Variants in TNFAIP1 observed in about 807,000 individuals in gnomAD.
TNFAIP1 encodes BTB/POZ domain-containing adapter for CUL3-mediated RhoA degradation protein 2.
A neutral mutation model predicts 32.6 loss-of-function variants in TNFAIP1; 20 were observed. That is an observed-to-expected ratio of 0.61 (90% confidence interval 0.43 to 0.89). The LOEUF (loss-of-function observed/expected upper bound fraction) is 0.89, where lower values mean the gene tolerates loss of function less well. Ranked by LOEUF, TNFAIP1 falls within the 40% of genes least tolerant of loss-of-function variation. TNFAIP1 has a pLI of 0.00. For missense variants in TNFAIP1, 319 were observed against 425.1 expected, an observed-to-expected ratio of 0.75 and a Z score of 2.20; for synonymous variants, 166 against 166.8, an observed-to-expected ratio of 1.00 and a Z score of 0.04.
In TNFAIP1 at chr17:28,345,228, C is replaced by T. The variant is rs1186589872; in HGVS notation, c.*628C>T. The T allele has an allele frequency of 6.5e-6, 1 of 153,438 alleles. No individual in the cohort carries two copies. Among genetic ancestry groups the T allele is most frequent in the Non-Finnish European group, 1.5e-5 (1 of 68,642 alleles). The allele number at this position is 153,438 out of a possible 1,614,324, so 9.5% of individuals were successfully genotyped here. ...TCAGGAGGTTGATAATCTCCTTGAC[C>T]CATGTCTTTCTACCCTAATCCCCAC... On this transcript the variant is annotated 3_prime_UTR_variant, in exon 7 of 7. Transcript: ENST00000226225.
chr17:28,336,290 A>T (rs1387511719), intron 1 of TNFAIP1, among the ~76,000 whole-genome samples: 1 of 152,064 alleles, frequency 6.6e-6, no homozygotes, highest in Non-Finnish European at 1.5e-5. Flanking sequence ...ATCCGCCCTT[A>T]GCCCCGGGCA....
chr17:28,339,469 C>T lies in TNFAIP1; in HGVS notation c.-53C>T, dbSNP rs1907283663. On this transcript the variant is annotated 5_prime_UTR_variant, in exon 2 of 7. Coordinates refer to ENST00000226225, the MANE Select transcript of TNFAIP1 (RefSeq NM_021137.5). Reference sequence around the variant, plus strand: ...TCACTCGTGACCCTTTCCACCACGGCGGAGCCTTCCAAGCCTACCTCCTGC... The same window carrying T: ...TCACTCGTGACCCTTTCCACCACGGTGGAGCCTTCCAAGCCTACCTCCTGC... The T allele has an allele frequency of 4.6e-6, 7 of 1,516,340 alleles. No individual in the cohort carries two copies. In the Admixed American group the frequency reaches 8.3e-5, roughly 18 times the overall value. The allele number at this position is 1,516,340 out of a possible 1,614,324, so 93.9% of individuals were successfully genotyped here. A position where few individuals can be genotyped will look rare whatever the true frequency, so the allele number is the denominator to read the frequency against.
At position 28,340,749 on chromosome 17, in the gene TNFAIP1, GTTTTTGT is replaced by G; in HGVS notation, c.375+278_375+284del. On this transcript the variant is annotated intron_variant, in intron 3 of 6. Coordinates refer to ENST00000226225, the MANE Select transcript of TNFAIP1 (RefSeq NM_021137.5). The surrounding 1 kb of genome is among the most constrained non-coding windows in gnomAD (Gnocchi z 4.1). The stretch of plus-strand genomic sequence containing the variant: ...TGTTTTTGCTTTTGTTTCTGTTTTT[GTTTTTGT>G]TTTTTGAGACAGGGTTTCACTCCTG... Among the ~76,000 whole-genome samples the G allele has an allele frequency of 6.6e-6, 1 of 152,010 alleles. No individual in the cohort carries two copies. Among genetic ancestry groups the G allele is most frequent in the East Asian group, 1.9e-4 (1 of 5,180 alleles).
intron 1 of TNFAIP1, 150 bp from the exon 2 acceptor site, chr17:28,339,258 A>G (rs532389331): frequency 3.3e-4 from 104 of 315,310 alleles, no homozygotes; most frequent in African/African-American, 2.1e-3. Context: ...AAAAAAAAAA[A>G]AGAAAGCAAA....
At position 28,340,541 on chromosome 17, in the gene TNFAIP1, A is replaced by C. The variant is rs1907329169; in HGVS notation, c.375+63A>C. 7.6e-6 allele frequency: 12 copies of C among 1,575,116 alleles called. No homozygotes were observed. The highest frequency in any genetic ancestry group is 1.0e-5 in the Non-Finnish European group (12 of 1,152,322). ...TCAGGAGTTGCCCCCTTCTTGTGGG[A>C]TGGAGGACTCTGGTTCCTGGCAGGT... On this transcript the variant is annotated intron_variant, in intron 3 of 6. Coordinates refer to ENST00000226225, the MANE Select transcript of TNFAIP1 (RefSeq NM_021137.5). This position sits in a 1 kb window ranked among gnomAD's most constrained non-coding sequence, Gnocchi z 4.1.
Position 28,340,516 on chromosome 17 carries a change from T to C in TNFAIP1, c.375+38T>C. On this transcript the variant is annotated intron_variant, in intron 3 of 6. Transcript: ENST00000226225. The surrounding 1 kb of genome is among the most constrained non-coding windows in gnomAD (Gnocchi z 4.1). ...GGCGGAGCAGGGCGGGCAGATGAGG[T>C]CAGGAGTTGCCCCCTTCTTGTGGGA... is the stretch of plus-strand genomic sequence containing the variant. 6.2e-7 allele frequency: 1 copy of C among 1,606,294 alleles called. No homozygotes were observed.
Position 28,340,311 on chromosome 17 carries a change from T to G in TNFAIP1, c.208T>G (p.Trp70Gly), listed in dbSNP as rs948909369. 15 of 1,613,648 alleles carry G rather than the reference T, an allele frequency of 9.3e-6. No individual in the cohort carries two copies. Among genetic ancestry groups the G allele is most frequent in the African/African-American group, 1.3e-5 (1 of 74,900 alleles). ...RMEVLTDKEG[W>G]ILIDRCGKHF... ...TGTAGGGCCTTCTGCACCCCTAGGC[T>G]GGATCCTCATAGACCGTTGTGGAAA... The change falls in exon 3 of 7, where the codon TGG (tryptophan) becomes GGG (glycine). Residue 70 changes from tryptophan (W) to glycine (G), a missense_variant and splice_region_variant. Coordinates refer to ENST00000226225, the MANE Select transcript of TNFAIP1 (RefSeq NM_021137.5). This position sits in a 1 kb window ranked among gnomAD's most constrained non-coding sequence, Gnocchi z 4.1.
Position 28,341,535 on chromosome 17 carries a change from G to T in TNFAIP1, c.518+79G>T. 5 of 1,529,052 alleles carry T rather than the reference G, an allele frequency of 3.3e-6. 1 individual carries two copies. The South Asian group carries it at 4.5e-5, about 14-fold the overall frequency. 94.7% of individuals were successfully genotyped at this position (1,529,052 alleles called of 1,614,324 possible). A position where few individuals can be genotyped will look rare whatever the true frequency, so the allele number is the denominator to read the frequency against. ...TGCCTGTACTCCCAGCACGGTCGGC[G>T]TGGGTCTGGGCCTGGGTCTTGGAAC... On this transcript the variant is annotated intron_variant, in intron 5 of 6. Coordinates refer to ENST00000226225, the MANE Select transcript of TNFAIP1 (RefSeq NM_021137.5).
Position 28,340,181 on chromosome 17 carries a change from C to T in TNFAIP1, c.206-128C>T, listed in dbSNP as rs1479186950. On this transcript the variant is annotated intron_variant, in intron 2 of 6. Transcript: ENST00000226225. This position sits in a 1 kb window ranked among gnomAD's most constrained non-coding sequence, Gnocchi z 4.1. ...GAACCTCCATCCCCGCCTCTGTCAC[C>T]CTGCGTAAGGGCTTTGTGCTCGTGG... 3.2e-6 allele frequency: 3 copies of T among 932,414 alleles called. No individual in the cohort carries two copies. The East Asian group carries it at 7.5e-5, about 23-fold the overall frequency. 57.8% of individuals were successfully genotyped at this position (932,414 alleles called of 1,614,324 possible). A position where few individuals can be genotyped will look rare whatever the true frequency, so the allele number is the denominator to read the frequency against.
In TNFAIP1 at chr17:28,340,225, T is replaced by G; in HGVS notation, c.206-84T>G. On this transcript the variant is annotated intron_variant, in intron 2 of 6. Transcript: ENST00000226225. This position sits in a 1 kb window ranked among gnomAD's most constrained non-coding sequence, Gnocchi z 4.1. Reference sequence around the variant, plus strand: ...CTCGTGGACCCCCTTCCCTGCCACCTGCCGCCAGCTTGTCAGGTGGCCTTT... The same window carrying G: ...CTCGTGGACCCCCTTCCCTGCCACCGGCCGCCAGCTTGTCAGGTGGCCTTT... 6.8e-7 allele frequency: 1 copy of G among 1,467,120 alleles called. No individual in the cohort carries two copies. The highest frequency in any genetic ancestry group is 9.4e-7 in the Non-Finnish European group (1 of 1,064,318). 90.9% of individuals were successfully genotyped at this position (1,467,120 alleles called of 1,614,324 possible). A position where few individuals can be genotyped will look rare whatever the true frequency, so the allele number is the denominator to read the frequency against.
rs978006426 is a variant in TNFAIP1, at chr17:28,344,936, G to T, written c.*336G>T. On this transcript the variant is annotated 3_prime_UTR_variant, in exon 7 of 7. Coordinates refer to ENST00000226225, the MANE Select transcript of TNFAIP1 (RefSeq NM_021137.5). ...TGTGCAGAAGGCTACTGCCCCTTAGGCCTCAGCTGGGGGAAAGGCAGTTCT... is the reference window on the plus strand; with the variant it reads ...TGTGCAGAAGGCTACTGCCCCTTAGTCCTCAGCTGGGGGAAAGGCAGTTCT... The T allele has an allele frequency of 3.0e-6, 1 of 335,482 alleles. No individual in the cohort carries two copies. Among genetic ancestry groups the T allele is most frequent in the East Asian group, 5.2e-5 (1 of 19,196 alleles). The allele number at this position is 335,482 out of a possible 1,614,324, so 20.8% of individuals were successfully genotyped here.
chr17:28,344,365 TG>T lies in TNFAIP1; in HGVS notation c.718del (p.Glu240AsnfsTer112). 6.2e-7 allele frequency: 1 copy of T among 1,612,658 alleles called. No homozygotes were observed. Among genetic ancestry groups the T allele is most frequent in the Non-Finnish European group, 8.5e-7 (1 of 1,179,228 alleles). On this transcript the variant is annotated frameshift_variant and splice_region_variant, in exon 7 of 7. Transcript: ENST00000226225. LOFTEE classifies it high-confidence loss of function. ...CACCTTCTTCCTCCCTAACCCCAGG[TG>T]GAATTCCCAGAGGCCCGAATCTATG... ...VYATEKKQTK[V>X]EFPEARIYEE... is the part of the protein sequence containing the mutation.
At position 28,342,617 on chromosome 17, in the gene TNFAIP1, G is replaced by A. The variant is rs557552911; in HGVS notation, c.714+175G>A. On this transcript the variant is annotated intron_variant, in intron 6 of 6. Coordinates refer to ENST00000226225, the MANE Select transcript of TNFAIP1 (RefSeq NM_021137.5). The surrounding 1 kb of genome is among the most constrained non-coding windows in gnomAD (Gnocchi z 4.0). The stretch of plus-strand genomic sequence containing the variant: ...AGAACAAGGGGTGTGGGGAATGGAC[G>A]GGAACTGCTTTGTTCCTGACAGCGC... 1.5e-5 allele frequency: 9 copies of A among 595,870 alleles called. No individual in the cohort carries two copies. The highest frequency in any genetic ancestry group is 5.6e-5 in the East Asian group (2 of 35,726). The allele number at this position is 595,870 out of a possible 1,614,324, so 36.9% of individuals were successfully genotyped here. A position where few individuals can be genotyped will look rare whatever the true frequency, so the allele number is the denominator to read the frequency against.
intron 3 of TNFAIP1, 22 bp from the exon 4 acceptor site, chr17:28,341,215 T>C (rs1283960487): frequency 1.2e-6 from 2 of 1,613,178 alleles, no homozygotes; most frequent in Non-Finnish European, 1.7e-6. Context: ...CTAAAGAGGG[T>C]TCTCTGTTCT....
At position 28,342,203 on chromosome 17, in the gene TNFAIP1, C is replaced by G; in HGVS notation, c.519-44C>G. ...CACTTGTCTAGCACCCTCCCTTGGA[C>G]TGGAACCTCACTCCCAGCCGCTTGG... is the stretch of plus-strand genomic sequence containing the variant. On this transcript the variant is annotated intron_variant, in intron 5 of 6. Coordinates refer to ENST00000226225, the MANE Select transcript of TNFAIP1 (RefSeq NM_021137.5). This position sits in a 1 kb window ranked among gnomAD's most constrained non-coding sequence, Gnocchi z 4.0. The G allele has an allele frequency of 2.8e-6, 4 of 1,449,676 alleles. No homozygotes were observed. The highest frequency in any genetic ancestry group is 3.6e-6 in the Non-Finnish European group (4 of 1,095,894). 89.8% of individuals were successfully genotyped at this position (1,449,676 alleles called of 1,614,324 possible).
intron 2 of TNFAIP1, 125 bp downstream of exon 2, chr17:28,339,851 T>A: frequency 1.1e-6 from 1 of 923,760 alleles, no homozygotes; most frequent in Non-Finnish European, 1.6e-6. Flanking sequence ...CTGGAGTCCC[T>A]AGTAGAGCTT....
Position 28,340,838 on chromosome 17 carries a change from G to A in TNFAIP1, c.375+360G>A, listed in dbSNP as rs1907336883. Among the ~76,000 whole-genome samples the A allele has an allele frequency of 6.6e-6, 1 of 152,262 alleles. No individual in the cohort carries two copies. Among genetic ancestry groups the A allele is most frequent in the South Asian group, 2.1e-4 (1 of 4,816 alleles). ...CAGCTCACTGCAACTTCTGCCTCCT[G>A]GGTTCAAGTGATTCTCGTGATTTGG... On this transcript the variant is annotated intron_variant, in intron 3 of 6. Transcript: ENST00000226225. This position sits in a 1 kb window ranked among gnomAD's most constrained non-coding sequence, Gnocchi z 4.1.
At position 28,340,601 on chromosome 17, in the gene TNFAIP1, A is replaced by G; in HGVS notation, c.375+123A>G. The G allele has an allele frequency of 8.8e-7, 1 of 1,140,716 alleles. No homozygotes were observed. The highest frequency in any genetic ancestry group is 1.2e-6 in the Non-Finnish European group (1 of 810,648). The allele number at this position is 1,140,716 out of a possible 1,614,324, so 70.7% of individuals were successfully genotyped here. A position where few individuals can be genotyped will look rare whatever the true frequency, so the allele number is the denominator to read the frequency against. On this transcript the variant is annotated intron_variant, in intron 3 of 6. Transcript: ENST00000226225. The surrounding 1 kb of genome is among the most constrained non-coding windows in gnomAD (Gnocchi z 4.1). Reference sequence around the variant, plus strand: ...GGCGTGGTTGATGAGTGCAAACCTAATGAGACAAGTGAGATGCCACCCAGG... The same window carrying G: ...GGCGTGGTTGATGAGTGCAAACCTAGTGAGACAAGTGAGATGCCACCCAGG...
chr17:28,340,237 G>C lies in TNFAIP1; in HGVS notation c.206-72G>C, dbSNP rs1907315748. 1 of 1,533,194 alleles carries C rather than the reference G, an allele frequency of 6.5e-7. No individual in the cohort carries two copies. The highest frequency in any genetic ancestry group is 8.9e-7 in the Non-Finnish European group (1 of 1,118,258). The allele number at this position is 1,533,194 out of a possible 1,614,324, so 95.0% of individuals were successfully genotyped here. A position where few individuals can be genotyped will look rare whatever the true frequency, so the allele number is the denominator to read the frequency against. ...CTTCCCTGCCACCTGCCGCCAGCTTGTCAGGTGGCCTTTGCCTGCCTCGGA... is the reference window on the plus strand; with the variant it reads ...CTTCCCTGCCACCTGCCGCCAGCTTCTCAGGTGGCCTTTGCCTGCCTCGGA... On this transcript the variant is annotated intron_variant, in intron 2 of 6. Transcript: ENST00000226225. The surrounding 1 kb of genome is among the most constrained non-coding windows in gnomAD (Gnocchi z 4.1).
Sources: allele counts gnomAD v4.1 joint callset (sites outside exome capture counted in the v4.1 genomes callset), GRCh38; gene constraint gnomAD v4.1.1; non-coding constraint Gnocchi (gnomAD v3.1); transcripts MANE v1.5; gene names NCBI Gene and HGNC (gene_info 2026-07-23, HGNC 2026-07-21).